Variants in ZNF362 observed in about 807,000 individuals in gnomAD.
The protein encoded by ZNF362 is rotund homolog.
A neutral mutation model predicts 42.9 loss-of-function variants in ZNF362; 11 were observed. That is an observed-to-expected ratio of 0.26 (90% CI 0.16 to 0.42). ZNF362 has a LOEUF of 0.42. Ranked by LOEUF, ZNF362 falls within the 20% of genes least tolerant of loss-of-function variation. The pLI is 1.00. For synonymous variants in ZNF362, 255 were observed against 257.3 expected (o/e 0.99, Z 0.09); for missense variants, 362 against 576.2 (o/e 0.63, Z 3.81).
chr1:33,281,596 A>G lies in ZNF362; in HGVS notation c.693A>G (p.Val231=), dbSNP rs774138662. 6.2e-7 allele frequency: 1 copy of G among 1,614,180 alleles called. No homozygotes were observed. The highest frequency in any genetic ancestry group is 8.5e-7 in the Non-Finnish European group (1 of 1,180,022). The stretch of plus-strand genomic sequence containing the variant: ...GTCTCTTGCTCCGCAGGTGTAAGGT[A>G]TGCCCACTGACCTTTTTCACCAAGT... The part of the protein sequence containing the change: ...AKEGKTYRCK[V]CPLTFFTKSE... The change falls in exon 6 of 9, where the codon GTA becomes GTG. Residue 231 remains valine (V), a synonymous_variant. Transcript: ENST00000539719. This position sits in a 1 kb window ranked among gnomAD's most constrained non-coding sequence, Gnocchi z 4.8.
At chr1:33,182,279 A>G in the ZNF362 span, among the ~76,000 whole-genome samples, 1 of 152,184 alleles carries the variant, frequency 6.6e-6, no homozygotes, top group African/African-American at 2.4e-5. Flanking sequence ...GGCGAGGCGG[A>G]GCAGCTAATT....
chr1:33,295,790 C>T (rs570882806), intron 8 of ZNF362, among the ~76,000 whole-genome samples: 1 of 152,268 alleles, frequency 6.6e-6, no homozygotes, highest in South Asian at 2.1e-4. Context: ...CCTTTTGGCA[C>T]CCAGAAATAC....
At chr1:33,145,870 A>G in the ZNF362 span, 2 of 471,046 alleles carry the variant, frequency 4.2e-6, no homozygotes, top group Middle Eastern at 3.2e-4. Context: ...TAGGGAAATG[A>G]CATTTCCCAG....
chr1:33,185,328 T>C, the ZNF362 span, among the ~76,000 whole-genome samples: 1 of 152,168 alleles, frequency 6.6e-6, no homozygotes, highest in African/African-American at 2.4e-5. Flanking sequence ...CTCAAGCAAT[T>C]CTTGTGCTTC....
intron 2 of ZNF362, 33 bp from the exon 3 acceptor site, chr1:33,276,067 C>G (rs1645942896): frequency 1.2e-6 from 2 of 1,613,404 alleles, no homozygotes; most frequent in East Asian, 2.2e-5. Flanking sequence ...GGGGAGGGCT[C>G]TCTTCCCGGT....
At chr1:33,267,756 A>G (rs1645874372) in intron 1 of ZNF362, among the ~76,000 whole-genome samples, 1 of 152,196 alleles carries the variant, frequency 6.6e-6, no homozygotes, top group South Asian at 2.1e-4. Context: ...ACTTAAACAG[A>G]ACCTGTTTAA....
At chr1:33,157,116 C>T in the ZNF362 span, among the ~76,000 whole-genome samples, 3 of 152,094 alleles carry the variant, frequency 2.0e-5, no homozygotes, top group Non-Finnish European at 4.4e-5. Context: ...GCTCCAAGCC[C>T]TCCACTGGCT....
chr1:33,276,624 C>T (rs1645950510), intron 4 of ZNF362, 30 bp downstream of exon 4: 10 of 1,307,778 alleles, frequency 7.6e-6, no homozygotes, highest in Admixed American at 4.3e-5. Flanking sequence ...CCGGCGGGGC[C>T]GGTGAGGACT....
chr1:33,167,348 T>C, the ZNF362 span, among the ~76,000 whole-genome samples: 2 of 152,210 alleles, frequency 1.3e-5, no homozygotes, highest in African/African-American at 2.4e-5. This position sits in a 1 kb window ranked among gnomAD's most constrained non-coding sequence, Gnocchi z 4.2. Context: ...GTCTGGCTTG[T>C]TCCCTGCCTT....
intron 2 of ZNF362, among the ~76,000 whole-genome samples, chr1:33,274,104 C>T (rs563655528): frequency 5.3e-4 from 80 of 152,246 alleles, no homozygotes; most frequent in Non-Finnish European, 8.1e-4. Flanking sequence ...GCTGTGTGAG[C>T]GGGTGCTCAC....
At chr1:33,148,040 C>A in the ZNF362 span, among the ~76,000 whole-genome samples, 1 of 152,136 alleles carries the variant, frequency 6.6e-6, no homozygotes, top group East Asian at 1.9e-4. Flanking sequence ...AGAATGAGGC[C>A]TAGAATTGGG....
At chr1:33,188,262 G>A in the ZNF362 span, among the ~76,000 whole-genome samples, 1 of 151,684 alleles carries the variant, frequency 6.6e-6, no homozygotes, top group Non-Finnish European at 1.5e-5. Flanking sequence ...AAACATGTAA[G>A]GACAGGTTCT....
intron 3 of ZNF362, 46 bp from the exon 4 acceptor site, chr1:33,276,302 C>T (rs751911975): frequency 3.3e-6 from 5 of 1,537,778 alleles, no homozygotes; most frequent in South Asian, 1.2e-5. Context: ...GGGCAAGGGG[C>T]GGGAGGTGGT....
chr1:33,186,672 G>C, the ZNF362 span, among the ~76,000 whole-genome samples: 3 of 144,832 alleles, frequency 2.1e-5, no homozygotes, highest in African/African-American at 7.8e-5. Flanking sequence ...TGGGCGTGGT[G>C]GCGGGTGCTT....
chr1:33,285,927 G>A (rs1333484592), intron 6 of ZNF362, among the ~76,000 whole-genome samples: 1 of 152,208 alleles, frequency 6.6e-6, no homozygotes, highest in African/African-American at 2.4e-5. Flanking sequence ...GCCAGGTGTG[G>A]TGGCGGGTGC....
chr1:33,160,517 G>A, the ZNF362 span, among the ~76,000 whole-genome samples: 57 of 152,066 alleles, frequency 3.7e-4, no homozygotes, highest in Admixed American at 2.4e-3. Context: ...CGATTCTCCA[G>A]CCTCAGCCTC....
chr1:33,252,311 C>G (rs1045944772), upstream of ZNF362, among the ~76,000 whole-genome samples: 1 of 152,218 alleles, frequency 6.6e-6, no homozygotes, highest in Non-Finnish European at 1.5e-5. Context: ...GAGATTGCAT[C>G]ATTGCACTCC....
the ZNF362 span, among the ~76,000 whole-genome samples, chr1:33,127,524 C>G: frequency 6.6e-6 from 1 of 152,248 alleles, no homozygotes; most frequent in Non-Finnish European, 1.5e-5. Context: ...AAGGGGTCAA[C>G]CCGGGACTGA....
chr1:33,229,827 C>T, the ZNF362 span, among the ~76,000 whole-genome samples: 5 of 152,148 alleles, frequency 3.3e-5, no homozygotes, highest in African/African-American at 9.7e-5. Flanking sequence ...AACCCGCGTC[C>T]CTCCCTCTGC....
Sources: gnomAD v4.1 joint callset for allele counts (sites outside exome capture counted in the v4.1 genomes callset) on GRCh38, gnomAD v4.1.1 for gene constraint, Gnocchi (gnomAD v3.1) non-coding constraint, MANE v1.5 for transcripts, NCBI Gene and HGNC (gene_info 2026-07-23, HGNC 2026-07-21) for gene names.